DHRSX: variants seen among roughly 807,000 people sequenced by gnomAD.
DHRSX encodes the protein dehydrogenase/reductase X-linked, also known as polyprenol dehydrogenase.
DHRSX carries 31 observed loss-of-function variants against 34.0 expected under a neutral mutation model. The ratio of observed to expected loss-of-function variants is 0.91; its 90% CI spans 0.69 to 1.23. DHRSX has a LOEUF of 1.23. Ranked by LOEUF, DHRSX falls within the 50% of genes most tolerant of loss-of-function variation. DHRSX has a pLI of 0.00. For synonymous variants in DHRSX, 201 were observed against 183.8 expected, an observed-to-expected ratio of 1.09 and a Z score of -0.76; for missense variants, 414 against 428.1, an observed-to-expected ratio of 0.97 and a Z score of 0.29.
Position 2,220,826 on chromosome X carries a change from T to G in DHRSX, c.*215A>C, listed in dbSNP as rs1184795039. 1 of 501,652 alleles carries G rather than the reference T, an allele frequency of 2.0e-6. No homozygotes were observed. The highest frequency in any genetic ancestry group is 3.6e-6 in the Non-Finnish European group (1 of 281,238). 31.1% of individuals were successfully genotyped at this position (501,652 alleles called of 1,614,324 possible). On this transcript the variant is annotated 3_prime_UTR_variant, in exon 7 of 7. Coordinates refer to ENST00000334651, the MANE Select transcript of DHRSX (RefSeq NM_145177.3). The stretch of plus-strand genomic sequence containing the variant: ...CTGGGCACTTTGGAATCACAAAGTT[T>G]ATGGTTGAAGACCACTTGGGGTGAT...
intron 3 of DHRSX, among the ~76,000 whole-genome samples, chrX:2,327,876 C>T (rs1372669106): frequency 2.0e-5 from 3 of 151,766 alleles, no homozygotes; most frequent in East Asian, 1.9e-4. Flanking sequence ...GTCAGGTGAT[C>T]GAGACCATCC....
chrX:2,487,163 G>A (rs1399818197), intron 1 of DHRSX: 4 of 152,200 alleles, frequency 2.6e-5, no homozygotes, highest in Non-Finnish European at 5.9e-5. Context: ...GCAACTCGCA[G>A]GAATCCAGCC....
At position 2,320,708 on chromosome X, in the gene DHRSX, T is replaced by C. The variant is rs561085184; in HGVS notation, c.287-29105A>G. On this transcript the variant is annotated intron_variant, in intron 3 of 6. Transcript: ENST00000334651. ...AATGCTTACTCTGACTTTTGACGTT[T>C]TCAAGTGTACAGTTGAAAGTCAACA... 3.3e-5 allele frequency among the ~76,000 whole-genome samples: 5 copies of C among 150,838 alleles called. No homozygotes were observed. In the South Asian group the frequency reaches 1.1e-3, roughly 32 times the overall value.
rs757623185 is a variant in DHRSX at position 2,489,779 on chromosome X, C to T, written c.109+11038G>A. On this transcript the variant is annotated intron_variant, in intron 1 of 6. Transcript: ENST00000334651. ...GAAGTACTCCACCAGTTTGCGGCAG[C>T]GCGACAGCAGCGCCCCCAGCTTCGG... The T allele has an allele frequency of 1.4e-5, 23 of 1,613,066 alleles. No individual in the cohort carries two copies. In the East Asian group the frequency reaches 2.4e-4, roughly 17 times the overall value.
At chrX:2,490,711 A>G (rs1490536343) in intron 1 of DHRSX, 6 of 1,612,730 alleles carry the variant, frequency 3.7e-6, no homozygotes, top group Admixed American at 1.7e-5. Flanking sequence ...CCAGGCTTTT[A>G]TTCTCCATTG....
At chrX:2,302,469 G>A (rs908135537) in intron 3 of DHRSX, among the ~76,000 whole-genome samples, 30 of 152,122 alleles carry the variant, frequency 2.0e-4, no homozygotes, top group South Asian at 2.1e-4. Flanking sequence ...AAAACTAGCC[G>A]GGCATGGGGT....
chrX:2,357,147 G>A (rs1247277771), intron 3 of DHRSX, among the ~76,000 whole-genome samples: 1 of 152,092 alleles, frequency 6.6e-6, no homozygotes, highest in African/African-American at 2.4e-5. Context: ...AGGAGGCTGA[G>A]GCAGGAGAAT....
At chrX:2,381,925 G>A (rs1321031167) in intron 3 of DHRSX, among the ~76,000 whole-genome samples, 1 of 152,082 alleles carries the variant, frequency 6.6e-6, no homozygotes, top group Non-Finnish European at 1.5e-5. Flanking sequence ...TCTGCAGGAG[G>A]GGTAACATGA....
At chrX:2,322,153 CA>C (rs2042319641) in intron 3 of DHRSX, among the ~76,000 whole-genome samples, 1 of 149,278 alleles carries the variant, frequency 6.7e-6, no homozygotes, top group Non-Finnish European at 1.5e-5. Flanking sequence ...CCCCAAATTC[CA>C]TTTTATCATT....
At chrX:2,289,527 C>T (rs1187747639) in intron 4 of DHRSX, among the ~76,000 whole-genome samples, 1 of 152,196 alleles carries the variant, frequency 6.6e-6, no homozygotes, top group African/African-American at 2.4e-5. Context: ...TTGTGTGTCT[C>T]TGTGCAAGGG....
intron 3 of DHRSX, among the ~76,000 whole-genome samples, chrX:2,395,644 A>G (rs1391578459): frequency 1.3e-5 from 2 of 151,964 alleles, no homozygotes; most frequent in African/African-American, 4.8e-5. Flanking sequence ...CTCCAGCGGA[A>G]CCCCCAGGGG....
intron 3 of DHRSX, among the ~76,000 whole-genome samples, chrX:2,337,029 C>A (rs1455207103): frequency 6.6e-6 from 1 of 152,034 alleles, no homozygotes; most frequent in Non-Finnish European, 1.5e-5. Context: ...TGGTCTTGAA[C>A]TCCTGACATC....
chrX:2,236,652 G>A (rs2016022523), intron 6 of DHRSX, among the ~76,000 whole-genome samples: 2 of 151,944 alleles, frequency 1.3e-5, no homozygotes, highest in African/African-American at 2.4e-5. Context: ...GGCTGGTCTC[G>A]AACTCCTGGC....
chrX:2,322,844 T>C (rs1273903825), intron 3 of DHRSX, among the ~76,000 whole-genome samples: 3 of 152,112 alleles, frequency 2.0e-5, no homozygotes, highest in South Asian at 2.1e-4. Context: ...AAAGTTATCT[T>C]TGGATTTTCA....
chrX:2,288,515 G>A (rs1485219608), intron 4 of DHRSX, among the ~76,000 whole-genome samples: 8 of 152,160 alleles, frequency 5.3e-5, no homozygotes, highest in Admixed American at 4.6e-4. Flanking sequence ...GGTTACAGGC[G>A]TGAGCCACTA....
intron 1 of DHRSX, among the ~76,000 whole-genome samples, chrX:2,436,451 T>C (rs1448563084): frequency 7.4e-6 from 1 of 135,282 alleles, no homozygotes; most frequent in Admixed American, 8.3e-5. Flanking sequence ...GCAATTACTT[T>C]TGCAGCAACA....
At position 2,232,945 on chromosome X, in the gene DHRSX, T is replaced by C. The variant is rs181539059; in HGVS notation, c.804+10078A>G. On this transcript the variant is annotated intron_variant, in intron 6 of 6. Transcript: ENST00000334651. Reference sequence around the variant, plus strand: ...ACCACGCTGGGAACCTCACTCATTCTAGCTTCTTATGCAGCTCTGCAAACT... The same window carrying C: ...ACCACGCTGGGAACCTCACTCATTCCAGCTTCTTATGCAGCTCTGCAAACT... 1.7e-3 allele frequency among the ~76,000 whole-genome samples: 265 copies of C among 152,262 alleles called. 1 individual carries two copies. The highest frequency in any genetic ancestry group is 6.0e-3 in the African/African-American group (251 of 41,560).
intron 3 of DHRSX, among the ~76,000 whole-genome samples, chrX:2,304,992 G>C (rs1026978942): frequency 4.6e-5 from 7 of 151,912 alleles, no homozygotes; most frequent in Non-Finnish European, 8.8e-5. Flanking sequence ...TAAAAAAAAT[G>C]GTACATATAC....
At chrX:2,397,088 C>T (rs2043421374) in intron 3 of DHRSX, among the ~76,000 whole-genome samples, 1 of 152,058 alleles carries the variant, frequency 6.6e-6, no homozygotes. Context: ...ACAGCCTTGA[C>T]CTCCAGGCTC....
Sources: allele counts gnomAD v4.1 joint callset (sites outside exome capture counted in the v4.1 genomes callset), GRCh38; gene constraint gnomAD v4.1.1; transcripts MANE v1.5; gene names NCBI Gene and HGNC (gene_info 2026-07-23, HGNC 2026-07-21).